Variants in SDK1 observed in about 807,000 individuals in gnomAD.
SDK1 encodes the protein protein sidekick-1.
Under a neutral mutation model 245.5 loss-of-function variants are expected in SDK1, and 157 were observed. The ratio of observed to expected loss-of-function variants is 0.64; its 90% CI spans 0.56 to 0.73. SDK1 has a LOEUF of 0.73. Ranked by LOEUF, SDK1 falls within the 30% of genes least tolerant of loss-of-function variation. The pLI is 0.00. For missense variants in SDK1, 3,583 were observed against 3,002.3 expected (o/e 1.19, Z -4.52); for synonymous variants, 1,647 against 1,278.5 (o/e 1.29, Z -6.15).
At chr7:3,406,110 G>A (rs183482614) in intron 1 of SDK1, among the ~76,000 whole-genome samples, 3 of 152,018 alleles carry the variant, frequency 2.0e-5, no homozygotes, top group East Asian at 1.9e-4. Flanking sequence ...ACCGCTCCTC[G>A]TCTGTTGTGC....
chr7:3,799,149 G>A (rs978519518), intron 4 of SDK1, among the ~76,000 whole-genome samples: 4 of 151,954 alleles, frequency 2.6e-5, no homozygotes, highest in Non-Finnish European at 5.9e-5. Context: ...AAAAATCTTG[G>A]GCCTTTTTAT....
intron 5 of SDK1, among the ~76,000 whole-genome samples, chr7:3,832,015 T>C (rs1054003988): frequency 5.3e-5 from 8 of 152,084 alleles, no homozygotes; most frequent in African/African-American, 1.9e-4. Flanking sequence ...CACACCACTG[T>C]ACTCCAGCCT....
At chr7:3,332,542 T>C (rs911064323) in intron 1 of SDK1, among the ~76,000 whole-genome samples, 1 of 152,124 alleles carries the variant, frequency 6.6e-6, no homozygotes, top group Non-Finnish European at 1.5e-5. Context: ...TGGAGTCTGT[T>C]ATCTATTTGG....
intron 1 of SDK1, among the ~76,000 whole-genome samples, chr7:3,503,020 G>A (rs916750043): frequency 3.9e-5 from 6 of 152,146 alleles, no homozygotes; most frequent in Non-Finnish European, 8.8e-5. Context: ...TTAATATTAT[G>A]TACTATGTTC....
intron 4 of SDK1, among the ~76,000 whole-genome samples, chr7:3,647,676 C>T (rs568419571): frequency 2.0e-5 from 3 of 152,206 alleles, no homozygotes; most frequent in Admixed American, 6.5e-5. Flanking sequence ...GCAATCCACC[C>T]GCCTCTGCCT....
intron 4 of SDK1, among the ~76,000 whole-genome samples, chr7:3,787,305 A>T (rs567696920): frequency 1.3e-5 from 2 of 152,294 alleles, no homozygotes; most frequent in Admixed American, 6.5e-5. Flanking sequence ...TTTTTTCTAT[A>T]CATAAGCATC....
intron 4 of SDK1, among the ~76,000 whole-genome samples, chr7:3,652,744 C>G (rs900921680): frequency 6.6e-6 from 1 of 152,134 alleles, no homozygotes; most frequent in East Asian, 1.9e-4. Context: ...TTTGGAAGTT[C>G]TGATGCCACT....
At chr7:3,901,448 A>C (rs1374440544) in intron 5 of SDK1, among the ~76,000 whole-genome samples, 1 of 152,108 alleles carries the variant, frequency 6.6e-6, no homozygotes, top group African/African-American at 2.4e-5. Context: ...GGCCTCCCAA[A>C]GTGCTGGGAT....
At chr7:3,334,364 C>G (rs146073949) in intron 1 of SDK1, among the ~76,000 whole-genome samples, 1 of 152,206 alleles carries the variant, frequency 6.6e-6, no homozygotes, top group Non-Finnish European at 1.5e-5. Flanking sequence ...GTGGAGCCTA[C>G]GCTTGAGAGA....
chr7:3,372,401 AATATG>A (rs1402039947), intron 1 of SDK1, among the ~76,000 whole-genome samples: 1 of 152,186 alleles, frequency 6.6e-6, no homozygotes, highest in Non-Finnish European at 1.5e-5. Context: ...TGCTTTCTTA[AATATG>A]ATATGAAAAG....
intron 5 of SDK1, among the ~76,000 whole-genome samples, chr7:3,940,738 T>C (rs1013177638): frequency 2.0e-5 from 3 of 152,048 alleles, no homozygotes; most frequent in African/African-American, 7.3e-5. Flanking sequence ...GAAGAATCAC[T>C]TGAACCTGGG....
chr7:4,036,430 C>T (rs769527462), intron 17 of SDK1, among the ~76,000 whole-genome samples: 4 of 152,098 alleles, frequency 2.6e-5, no homozygotes, highest in South Asian at 2.1e-4. Flanking sequence ...ACATGGATGC[C>T]GCTCTACCAG....
chr7:4,035,799 A>G (rs1037529653), intron 17 of SDK1, among the ~76,000 whole-genome samples: 6 of 152,142 alleles, frequency 3.9e-5, no homozygotes, highest in African/African-American at 1.4e-4. Context: ...AGAAGCAAAG[A>G]CGGTATGCTA....
At chr7:3,573,406 G>A (rs999421432) in intron 1 of SDK1, among the ~76,000 whole-genome samples, 2 of 152,072 alleles carry the variant, frequency 1.3e-5, no homozygotes, top group Admixed American at 6.5e-5. Context: ...GCCTTGGGAT[G>A]ATTTATCAGC....
chr7:4,205,382 G>A (rs1419444950), intron 35 of SDK1, among the ~76,000 whole-genome samples: 3 of 152,052 alleles, frequency 2.0e-5, no homozygotes, highest in Non-Finnish European at 2.9e-5. Flanking sequence ...TGACTCCCTC[G>A]CCGATAGAGC....
intron 5 of SDK1, among the ~76,000 whole-genome samples, chr7:3,897,953 T>A (rs1302435257): frequency 6.6e-6 from 1 of 152,174 alleles, no homozygotes; most frequent in Non-Finnish European, 1.5e-5. Flanking sequence ...TTTCCTTTTC[T>A]GCTCTTATTC....
chr7:3,392,825 G>A (rs892450526), intron 1 of SDK1, among the ~76,000 whole-genome samples: 3 of 152,014 alleles, frequency 2.0e-5, no homozygotes, highest in Non-Finnish European at 4.4e-5. Flanking sequence ...TAATATTCCA[G>A]TGTATGCGTA....
intron 22 of SDK1, among the ~76,000 whole-genome samples, chr7:4,081,675 C>G (rs1781069276): frequency 6.6e-6 from 1 of 152,118 alleles, no homozygotes; most frequent in South Asian, 2.1e-4. Context: ...GCCTCGGCCT[C>G]CCAAATCGCT....
intron 5 of SDK1, among the ~76,000 whole-genome samples, chr7:3,828,650 T>C (rs1779837681): frequency 6.5e-5 from 1 of 15,438 alleles, no homozygotes; most frequent in South Asian, 2.6e-3. Context: ...TTTTTTGTTC[T>C]TTTTTTTTTT....
Sources: gnomAD v4.1 joint callset for allele counts (sites outside exome capture counted in the v4.1 genomes callset) on GRCh38, gnomAD v4.1.1 for gene constraint, MANE v1.5 for transcripts, NCBI Gene and HGNC (gene_info 2026-07-23, HGNC 2026-07-21) for gene names.